ATXN7: variants seen among roughly 807,000 people sequenced by gnomAD.
ATXN7 encodes the protein ataxin 7, also known as ataxin-7.
Under a neutral mutation model 70.5 loss-of-function variants are expected in ATXN7, and 12 were observed. The ratio of observed to expected loss-of-function variants is 0.17; its 90% CI spans 0.11 to 0.28. The LOEUF (loss-of-function observed/expected upper bound fraction) is 0.28, where lower values mean the gene tolerates loss of function less well. ATXN7 is among the 10% of genes least tolerant of loss of function. ATXN7 has a pLI of 1.00. For synonymous variants in ATXN7, 498 were observed against 448.7 expected (o/e 1.11, Z -1.39); for missense variants, 1,256 against 1,131.7 (o/e 1.11, Z -1.58).
intron 4 of ATXN7, among the ~76,000 whole-genome samples, chr3:63,915,630 G>A: frequency 6.6e-6 from 1 of 151,852 alleles, no homozygotes. Flanking sequence ...GAAGAAATAT[G>A]TAGATAAATT....
intron 8 of ATXN7, among the ~76,000 whole-genome samples, chr3:63,987,153 G>A (rs926436732): frequency 3.3e-5 from 5 of 152,166 alleles, no homozygotes; most frequent in Non-Finnish European, 5.9e-5. Flanking sequence ...TCTTCTGTTA[G>A]CAATAGTATT....
intron 4 of ATXN7, among the ~76,000 whole-genome samples, chr3:63,939,768 A>T (rs1036623804): frequency 1.3e-5 from 2 of 152,146 alleles, no homozygotes; most frequent in African/African-American, 2.4e-5. Context: ...CAGCAGCTTC[A>T]CAACTAGGGT....
intron 4 of ATXN7, among the ~76,000 whole-genome samples, chr3:63,931,945 C>T (rs1040901197): frequency 1.5e-4 from 23 of 152,116 alleles, no homozygotes; most frequent in African/African-American, 5.6e-4. Flanking sequence ...GTTATTTGAG[C>T]AATGGGAGGT....
intron 12 of ATXN7, chr3:63,997,497 T>C (rs565470896): frequency 2.7e-6 from 2 of 753,456 alleles, no homozygotes; most frequent in South Asian, 1.7e-5. Context: ...CTTTCTCTCT[T>C]AGGCTGTATT....
At chr3:63,999,363 G>C (rs1188224392) in intron 12 of ATXN7, 87 bp from the exon 13 acceptor site, 4 of 1,120,990 alleles carry the variant, frequency 3.6e-6, no homozygotes, top group Non-Finnish European at 4.1e-6. Flanking sequence ...GCAGCCTTTG[G>C]AATATTCTTG....
intron 1 of ATXN7, among the ~76,000 whole-genome samples, chr3:63,865,811 C>T (rs1702400832): frequency 7.4e-6 from 1 of 134,946 alleles, no homozygotes; most frequent in South Asian, 2.5e-4. Context: ...AGGAGAATGG[C>T]GTGAACCCGG....
At chr3:63,976,184 T>C (rs1190163458) in intron 5 of ATXN7, among the ~76,000 whole-genome samples, 1 of 152,218 alleles carries the variant, frequency 6.6e-6, no homozygotes, top group East Asian at 1.9e-4. Context: ...AACACTTTTT[T>C]AGAGCTAGAT....
At chr3:63,863,310 C>G (rs1433334654), upstream of ATXN7, 3 of 412,864 alleles carry the variant, frequency 7.3e-6, no homozygotes, top group Non-Finnish European at 9.8e-6. Context: ...CCCACTCCCT[C>G]CCAGACCTCC....
chr3:63,866,403 A>G (rs1466592425), intron 1 of ATXN7, among the ~76,000 whole-genome samples: 4 of 152,130 alleles, frequency 2.6e-5, no homozygotes, highest in Admixed American at 1.3e-4. Context: ...GGCATGTTCC[A>G]TGATGCCTGG....
intron 5 of ATXN7, among the ~76,000 whole-genome samples, chr3:63,963,362 C>T (rs964031617): frequency 5.3e-5 from 8 of 152,078 alleles, no homozygotes; most frequent in Non-Finnish European, 1.0e-4. Flanking sequence ...TATAAATACA[C>T]AAATGTAATC....
chr3:63,990,652 T>A (rs2075655610), intron 10 of ATXN7, 86 bp from the exon 11 acceptor site: 3 of 1,597,506 alleles, frequency 1.9e-6, no homozygotes, highest in South Asian at 2.2e-5. Flanking sequence ...CTTTCCTGAT[T>A]AGCTCCTTTC....
intron 2 of ATXN7, among the ~76,000 whole-genome samples, chr3:63,900,133 G>A (rs955003963): frequency 1.4e-4 from 21 of 152,106 alleles, no homozygotes; most frequent in Non-Finnish European, 1.9e-4. Flanking sequence ...CTTCTGAAAG[G>A]AATGAGATAA....
At chr3:63,940,522 A>C (rs2074740162) in intron 4 of ATXN7, among the ~76,000 whole-genome samples, 1 of 152,218 alleles carries the variant, frequency 6.6e-6, no homozygotes, top group Non-Finnish European at 1.5e-5. Flanking sequence ...TGGTATTCTT[A>C]ACTGAGTCAT....
At chr3:63,948,127 G>C (rs2074894346) in intron 4 of ATXN7, among the ~76,000 whole-genome samples, 1 of 152,200 alleles carries the variant, frequency 6.6e-6, no homozygotes, top group Non-Finnish European at 1.5e-5. Context: ...TTCTTCCAGA[G>C]TTCATTGAAA....
In ATXN7 at chr3:64,002,436, T is replaced by C. The variant is rs777801481; in HGVS notation, c.*2969T>C. The C allele has an allele frequency of 3.5e-4, 54 of 152,524 alleles. No homozygotes were observed. The highest frequency in any genetic ancestry group is 3.3e-4 in the Admixed American group (5 of 15,278). The allele number at this position is 152,524 out of a possible 1,614,324, so 9.4% of individuals were successfully genotyped here. A position where few individuals can be genotyped will look rare whatever the true frequency, so the allele number is the denominator to read the frequency against. ...TTGCCTGGTTTCCCGATAGACTACATGTAACTAAGTGACACACTGCTTTTC... is the reference window on the plus strand; with the variant it reads ...TTGCCTGGTTTCCCGATAGACTACACGTAACTAAGTGACACACTGCTTTTC... On this transcript the variant is annotated 3_prime_UTR_variant, in exon 13 of 13. Coordinates refer to ENST00000674280, the MANE Select transcript of ATXN7 (RefSeq NM_001377405.1).
intron 5 of ATXN7, chr3:63,967,951 G>C: frequency 6.5e-7 from 1 of 1,535,922 alleles, no homozygotes; most frequent in Non-Finnish European, 8.7e-7. Flanking sequence ...CAGCCCTTCT[G>C]CGCAGGAGCT....
At chr3:63,912,958 CTCGCGACCCCCTCCTCTCTCCTCCCCT>C in intron 3 of ATXN7, 35 bp downstream of exon 3, 1 of 1,524,382 alleles carries the variant, frequency 6.6e-7, no homozygotes, top group South Asian at 1.2e-5. Flanking sequence ...CCTTCACCCC[CTCGCGACCCCCTCCTCTCTCCTCCCCT>C]CCCCCCTGCC....
In ATXN7 at chr3:63,982,193, C is replaced by T. The variant is rs778443023; in HGVS notation, c.760C>T (p.Pro254Ser). The T allele has an allele frequency of 4.3e-6, 7 of 1,614,114 alleles. No homozygotes were observed. Among genetic ancestry groups the T allele is most frequent in the Non-Finnish European group, 5.9e-6 (7 of 1,180,024 alleles). Residue 254 changes from proline to serine, a missense_variant, in exon 7 of 13, where the codon CCC becomes TCC. Pro to Ser is a moderately conservative substitution (Grantham distance 74). Coordinates refer to ENST00000674280, the MANE Select transcript of ATXN7 (RefSeq NM_001377405.1). Reference sequence around the variant, plus strand: ...CACTTCCTCCTGTGACAGCATGACACCCTCTGTGAAAGTGGAAAAGATTCA... The same window carrying T: ...CACTTCCTCCTGTGACAGCATGACATCCTCTGTGAAAGTGGAAAAGATTCA... ...SRVPHGRIMT[P>S]SVKVEKIHPK...
intron 5 of ATXN7, among the ~76,000 whole-genome samples, chr3:63,979,438 G>GA (rs1191253641): frequency 6.6e-6 from 1 of 151,826 alleles, no homozygotes; most frequent in Non-Finnish European, 1.5e-5. Context: ...TAGTGACAGG[G>GA]AAAAAAAAGA....
Sources: gnomAD v4.1 joint callset for allele counts (sites outside exome capture counted in the v4.1 genomes callset) on GRCh38, gnomAD v4.1.1 for gene constraint, MANE v1.5 for transcripts, NCBI Gene and HGNC (gene_info 2026-07-23, HGNC 2026-07-21) for gene names.